Variants in CFAP46 observed in about 807,000 individuals in gnomAD.
The protein encoded by CFAP46 is cilia and flagella associated protein 46, also known as cilia- and flagella-associated protein 46.
CFAP46 carries 245 observed loss-of-function variants against 325.7 expected under a neutral mutation model. The observed-to-expected ratio is 0.75, with a 90% CI of 0.68 to 0.84. The LOEUF is 0.84. Among genes scored for constraint, CFAP46 ranks in the 40% least tolerant of loss-of-function variants. CFAP46 has a pLI of 0.00. For missense variants in CFAP46, 3,346 were observed against 3,543.0 expected, an observed-to-expected ratio of 0.94 and a Z score of 1.41; for synonymous variants, 1,523 against 1,495.9, an observed-to-expected ratio of 1.02 and a Z score of -0.42.
chr10:132,917,096 G>C (rs979890111), intron 16 of CFAP46, among the ~76,000 whole-genome samples: 1 of 152,258 alleles, frequency 6.6e-6, no homozygotes, highest in African/African-American at 2.4e-5. Context: ...CAGCCCCGTG[G>C]CCGCCGCTGG....
chr10:132,933,566 C>T (rs1434581671), intron 8 of CFAP46, among the ~76,000 whole-genome samples: 2 of 152,222 alleles, frequency 1.3e-5, no homozygotes, highest in Admixed American at 1.3e-4. Flanking sequence ...TGCACTCATA[C>T]CCCTCCCAAA....
rs1299499965 is a variant in CFAP46 at position 132,934,712 on chromosome 10, G to T, written c.866+40C>A. 9 of 1,308,650 alleles carry T rather than the reference G, an allele frequency of 6.9e-6. No individual in the cohort carries two copies. The Middle Eastern group carries it at 9.4e-4, about 137-fold the overall frequency. 81.1% of individuals were successfully genotyped at this position (1,308,650 alleles called of 1,614,324 possible). On this transcript the variant is annotated intron_variant, in intron 8 of 57. Transcript: ENST00000368586. Reference sequence around the variant, plus strand: ...CAGTGCCTGCTAAATTTTGTACAACGATTATGAAGATGTGATATTGGAAAA... The same window carrying T: ...CAGTGCCTGCTAAATTTTGTACAACTATTATGAAGATGTGATATTGGAAAA...
At chr10:132,937,705 C>A (rs1850031269) in intron 5 of CFAP46, 30 bp from the exon 6 acceptor site, 1 of 1,575,150 alleles carries the variant, frequency 6.3e-7, no homozygotes, top group Non-Finnish European at 8.6e-7. Flanking sequence ...CACTGGTCAA[C>A]CTGGTTGAAA....
intron 22 of CFAP46, among the ~76,000 whole-genome samples, chr10:132,899,901 A>C (rs1353067934): frequency 2.0e-5 from 3 of 152,200 alleles, no homozygotes; most frequent in African/African-American, 7.2e-5. Flanking sequence ...TGAGGCCTGG[A>C]GTGCCCACGT....
chr10:132,900,424 G>T lies in CFAP46; in HGVS notation c.2925-758C>A, dbSNP rs189432279. ...GGCAGGATTCTCGCCATGGATGGGG[G>T]AGCACGCCCTTGCGGCTCAGCTCAG... On this transcript the variant is annotated intron_variant, in intron 22 of 57. Transcript: ENST00000368586. 9.4e-3 allele frequency among the ~76,000 whole-genome samples: 1,433 copies of T among 152,368 alleles called. 13 individuals are homozygous for T. The highest frequency in any genetic ancestry group is 0.043 in the South Asian group (207 of 4,826).
chr10:132,885,755 A>ATAGGCGGTGGGGGAGCACT, intron 26 of CFAP46, 66 bp downstream of exon 26: 1 of 1,437,456 alleles, frequency 7.0e-7, no homozygotes, highest in Non-Finnish European at 9.2e-7. Context: ...GGGAGCACTC[A>ATAGGCGGTGGGGGAGCACT]CAGGCGGTGG....
In CFAP46 at chr10:132,811,344, C is replaced by T. The variant is rs552890471; in HGVS notation, c.7502-313G>A. Among the ~76,000 whole-genome samples, 207 of 152,294 alleles carry T rather than the reference C, an allele frequency of 1.4e-3. 2 individuals are homozygous for T. Among genetic ancestry groups the T allele is most frequent in the South Asian group, 0.011 (55 of 4,818 alleles). On this transcript the variant is annotated intron_variant, in intron 55 of 57. Transcript: ENST00000368586. Reference sequence around the variant, plus strand: ...GCCCTGGAGGGCATCTCGGCACCCCCACCATGCCTGGACACCCTGGCACCC... The same window carrying T: ...GCCCTGGAGGGCATCTCGGCACCCCTACCATGCCTGGACACCCTGGCACCC...
Position 132,814,226 on chromosome 10 carries a change from T to C in CFAP46, c.7314A>G (p.Gln2438=). ...TGTCTTGGAATCTTTCCAAAATGTC[T>C]TGGGTGATGGAGACAGGAGTTAGCA... ...PEMLTPVSIT[Q]DILERFQDTF... Residue 2438 remains glutamine (Q), a synonymous_variant, in exon 54 of 58, where the codon CAA becomes CAG. Coordinates refer to ENST00000368586, the MANE Select transcript of CFAP46 (RefSeq NM_001200049.3). The C allele has an allele frequency of 6.2e-7, 1 of 1,613,846 alleles. No homozygotes were observed. Among genetic ancestry groups the C allele is most frequent in the Non-Finnish European group, 8.5e-7 (1 of 1,179,952 alleles).
intron 17 of CFAP46, 78 bp downstream of exon 17, chr10:132,916,471 C>T (rs1849640452): frequency 7.0e-7 from 1 of 1,436,572 alleles, no homozygotes; most frequent in East Asian, 2.8e-5. Context: ...GTGTCCCTCC[C>T]CACGCCAGCC....
chr10:132,883,899 G>A (rs572181318), intron 27 of CFAP46, among the ~76,000 whole-genome samples: 1 of 152,346 alleles, frequency 6.6e-6, no homozygotes, highest in Admixed American at 6.5e-5. Flanking sequence ...GATGGGGAGT[G>A]AGTGCTGATG....
Position 132,939,143 on chromosome 10 carries a change from G to A in CFAP46, c.372-390C>T, listed in dbSNP as rs1332004944. ...ACTCTCAAGGGATAGACAAGAATGG[G>A]CAAGGACAGAGGGAATCAAGGAAGG... On this transcript the variant is annotated intron_variant, in intron 4 of 57. Coordinates refer to ENST00000368586, the MANE Select transcript of CFAP46 (RefSeq NM_001200049.3). The surrounding 1 kb of genome is among the most constrained non-coding windows in gnomAD (Gnocchi z 4.6). Among the ~76,000 whole-genome samples, 2 of 152,174 alleles carry A rather than the reference G, an allele frequency of 1.3e-5. No homozygotes were observed. Among genetic ancestry groups the A allele is most frequent in the Non-Finnish European group, 2.9e-5 (2 of 68,022 alleles).
intron 44 of CFAP46, among the ~76,000 whole-genome samples, chr10:132,841,647 T>TTG (rs1365373796): frequency 6.6e-6 from 1 of 152,038 alleles, no homozygotes; most frequent in African/African-American, 2.4e-5. Flanking sequence ...GGATGGAGGC[T>TTG]GCCAAGCCTC....
In CFAP46 at chr10:132,919,672, C is replaced by T. The variant is rs1849691704; in HGVS notation, c.1731-230G>A. On this transcript the variant is annotated intron_variant, in intron 14 of 57. Transcript: ENST00000368586. This position sits in a 1 kb window ranked among gnomAD's most constrained non-coding sequence, Gnocchi z 9.7. ...CAGCTGTGCGCGGCACCTCCCTTCC[C>T]TGTGGTGAGAAGAAAGGCCACACAA... Among the ~76,000 whole-genome samples the T allele has an allele frequency of 6.6e-6, 1 of 152,004 alleles. No homozygotes were observed. Among genetic ancestry groups the T allele is most frequent in the African/African-American group, 2.4e-5 (1 of 41,394 alleles).
chr10:132,868,201 C>T (rs764678818), intron 33 of CFAP46, among the ~76,000 whole-genome samples: 5 of 152,242 alleles, frequency 3.3e-5, no homozygotes, highest in Non-Finnish European at 7.3e-5. Context: ...GCCGAGACGT[C>T]GCTGCTCCCA....
rs1425038338 is a variant in CFAP46, at chr10:132,909,251, G to A, written c.2650-7C>T. The A allele has an allele frequency of 1.9e-6, 3 of 1,547,268 alleles. No individual in the cohort carries two copies. The highest frequency in any genetic ancestry group is 2.6e-6 in the Non-Finnish European group (3 of 1,144,256). Reference sequence around the variant, plus strand: ...TGACATCCTCATTGGTGCCCTGGTGGGGAGGATGCCCTGAGTGTATCAGCC... The same window carrying A: ...TGACATCCTCATTGGTGCCCTGGTGAGGAGGATGCCCTGAGTGTATCAGCC... On this transcript the variant is annotated splice_polypyrimidine_tract_variant and splice_region_variant and intron_variant, in intron 20 of 57. Coordinates refer to ENST00000368586, the MANE Select transcript of CFAP46 (RefSeq NM_001200049.3).
intron 50 of CFAP46, among the ~76,000 whole-genome samples, chr10:132,816,871 C>A (rs545822974): frequency 6.6e-6 from 1 of 152,320 alleles, no homozygotes; most frequent in African/African-American, 2.4e-5. Context: ...CTGCTTTCTA[C>A]CCTCATCACG....
intron 51 of CFAP46, 48 bp from the exon 52 acceptor site, chr10:132,814,794 C>T (rs889938445): frequency 6.2e-7 from 1 of 1,613,670 alleles, no homozygotes; most frequent in Non-Finnish European, 8.5e-7. Flanking sequence ...AGGAGCCTGA[C>T]CTCCCGCTGT....
At chr10:132,851,036 C>T (rs1408144504) in intron 40 of CFAP46, 81 bp downstream of exon 40, 3 of 1,548,370 alleles carry the variant, frequency 1.9e-6, no homozygotes, top group Non-Finnish European at 2.7e-6. Context: ...GTGGAGACGG[C>T]TCCTGCTGGA....
Position 132,884,544 on chromosome 10 carries a change from A to G in CFAP46, c.3627+559T>C, listed in dbSNP as rs111317320. Among the ~76,000 whole-genome samples the G allele has an allele frequency of 0.06, 9,150 of 152,256 alleles. 364 individuals carry two copies. Among genetic ancestry groups the G allele is most frequent in the South Asian group, 0.099 (478 of 4,824 alleles). ...TCCCCAAGATGAAGTTCTCAGGTGC[A>G]TACCACATGGCCCTTGCCCCTGACA... On this transcript the variant is annotated intron_variant, in intron 27 of 57. Transcript: ENST00000368586. The surrounding 1 kb of genome is among the most constrained non-coding windows in gnomAD (Gnocchi z 5.4).
Sources: allele counts gnomAD v4.1 joint callset (sites outside exome capture counted in the v4.1 genomes callset), GRCh38; gene constraint gnomAD v4.1.1; non-coding constraint Gnocchi (gnomAD v3.1); transcripts MANE v1.5; gene names NCBI Gene and HGNC (gene_info 2026-07-23, HGNC 2026-07-21).